Variants in ZDBF2 observed in about 807,000 individuals in gnomAD.
ZDBF2 encodes zinc finger DBF-type containing 2.
A neutral mutation model predicts 9.4 loss-of-function variants in ZDBF2; 6 were observed. That is an observed-to-expected ratio of 0.64 (90% CI 0.35 to 1.27). The LOEUF (loss-of-function observed/expected upper bound fraction) is 1.27, where lower values mean the gene tolerates loss of function less well. ZDBF2 is among the 50% of genes most tolerant of loss of function. ZDBF2 has a pLI of 0.03. For synonymous variants in ZDBF2, 905 were observed against 946.3 expected, an observed-to-expected ratio of 0.96 and a Z score of 0.80; for missense variants, 2,697 against 2,766.8, an observed-to-expected ratio of 0.97 and a Z score of 0.57.
rs758099824 is a variant in ZDBF2 at position 206,304,702 on chromosome 2, C to A, written c.189-15C>A. ...CATTAGAATATGTTTATGAGTTTCC[C>A]CCCTTTCGTTTTAGTTCAACACAAG... On this transcript the variant is annotated splice_polypyrimidine_tract_variant and intron_variant, in intron 4 of 4. Coordinates refer to ENST00000374423, the MANE Select transcript of ZDBF2 (RefSeq NM_020923.3). 1.3e-6 allele frequency: 2 copies of A among 1,583,384 alleles called. No individual in the cohort carries two copies. Among genetic ancestry groups the A allele is most frequent in the Non-Finnish European group, 1.7e-6 (2 of 1,168,320 alleles).
At chr2:206,275,033 C>G (rs948738568) in intron 1 of ZDBF2, 87 bp downstream of exon 1, 5 of 151,000 alleles carry the variant, frequency 3.3e-5, no homozygotes, top group African/African-American at 1.2e-4. Flanking sequence ...GCCTTCTTCC[C>G]GAGGGACGCC....
At chr2:206,288,217 T>C (rs985306405) in intron 3 of ZDBF2, among the ~76,000 whole-genome samples, 1 of 152,230 alleles carries the variant, frequency 6.6e-6, no homozygotes, top group African/African-American at 2.4e-5. Context: ...ATTGAATAAC[T>C]TTTATAACTT....
At chr2:206,282,327 T>C (rs1691363634) in intron 3 of ZDBF2, among the ~76,000 whole-genome samples, 1 of 152,070 alleles carries the variant, frequency 6.6e-6, no homozygotes, top group Non-Finnish European at 1.5e-5. Flanking sequence ...ACCCTGAGGG[T>C]ACAGAGTGGT....
chr2:206,309,956 G>C lies in ZDBF2; in HGVS notation c.5428G>C (p.Asp1810His). The change falls in exon 5 of 5, where the codon GAT becomes CAT. Residue 1810 changes from aspartate to histidine, a missense_variant. Asp to His is a moderately conservative substitution (Grantham distance 81, BLOSUM62 -1). This residue lies in a region of ZDBF2 where 1,783 missense variants were observed against 1,776.5 expected (regional missense o/e 1.00). Transcript: ENST00000374423. Reference protein sequence around the residue: ...NLKKAKDVIEDNPDEPVLEAL... With the variant: ...NLKKAKDVIEHNPDEPVLEAL... ...GAAAAAAGCAAAGGATGTCATAGAG[G>C]ATAATCCTGATGAACCAGTTCTTGA... is the stretch of plus-strand genomic sequence containing the variant. The C allele has an allele frequency of 6.2e-7, 1 of 1,613,570 alleles. No individual in the cohort carries two copies. Among genetic ancestry groups the C allele is most frequent in the Non-Finnish European group, 8.5e-7 (1 of 1,179,776 alleles).
At chr2:206,295,862 A>G (rs1692148151) in intron 3 of ZDBF2, among the ~76,000 whole-genome samples, 1 of 152,190 alleles carries the variant, frequency 6.6e-6, no homozygotes, top group East Asian at 1.9e-4. Flanking sequence ...TAGTAAAGAA[A>G]GAATCTTTCT....
rs768330818 is a variant in ZDBF2, at chr2:206,308,938, A to G, written c.4410A>G (p.Gln1470=). Residue 1470 remains glutamine, a synonymous_variant, in exon 5 of 5, where the codon CAA becomes CAG. Transcript: ENST00000374423. ...TTCAGTCAGAAGTTGACCAACCTCAAGTGTCTTACAAAGAGGCAGACCTTC... is the reference window on the plus strand; with the variant it reads ...TTCAGTCAGAAGTTGACCAACCTCAGGTGTCTTACAAAGAGGCAGACCTTC... ...VHLQSEVDQP[Q]VSYKEADLQK... is the part of the protein sequence containing the mutation. 2.5e-6 allele frequency: 4 copies of G among 1,613,366 alleles called. No homozygotes were observed. The African/African-American group carries it at 4.0e-5, about 16-fold the overall frequency.
intron 3 of ZDBF2, among the ~76,000 whole-genome samples, chr2:206,293,816 C>G (rs376460016): frequency 9.9e-5 from 15 of 152,258 alleles, no homozygotes; most frequent in African/African-American, 3.6e-4. Context: ...TGTACAGCCA[C>G]TTTGGAAGAC....
chr2:206,284,142 C>A (rs1382845496), intron 3 of ZDBF2, among the ~76,000 whole-genome samples: 3 of 150,374 alleles, frequency 2.0e-5, no homozygotes, highest in African/African-American at 4.9e-5. Flanking sequence ...TGTTTGAGTT[C>A]ATTTTTGTAT....
At chr2:206,296,864 C>T (rs923384338) in intron 3 of ZDBF2, among the ~76,000 whole-genome samples, 17 of 152,230 alleles carry the variant, frequency 1.1e-4, no homozygotes, top group Non-Finnish European at 2.2e-4. Context: ...TAATATGTAA[C>T]GTTTCCCATG....
In ZDBF2 at chr2:206,308,270, G is replaced by T; in HGVS notation, c.3742G>T (p.Asp1248Tyr). The change falls in exon 5 of 5, where the codon GAT (aspartate) becomes TAT (tyrosine). Residue 1248 changes from aspartate to tyrosine, a missense_variant. Asp to Tyr is a radical substitution (Grantham distance 160). Around this residue, in one of 3 missense-constraint regions of ZDBF2, gnomAD observed 1,783 missense variants for 1,776.5 expected, o/e 1.00. Coordinates refer to ENST00000374423, the MANE Select transcript of ZDBF2 (RefSeq NM_020923.3). ...GGGTTTTGAAATTATGTATGATTCTGATGTTCTTCAGCCAGTGGCTGGCCA... is the reference window on the plus strand; with the variant it reads ...GGGTTTTGAAATTATGTATGATTCTTATGTTCTTCAGCCAGTGGCTGGCCA... The part of the protein sequence containing the change: ...AKGFEIMYDS[D>Y]VLQPVAGQPE... 6.2e-7 allele frequency: 1 copy of T among 1,613,894 alleles called. No individual in the cohort carries two copies.
chr2:206,302,334 T>C (rs1418267667), intron 4 of ZDBF2, among the ~76,000 whole-genome samples: 1 of 152,112 alleles, frequency 6.6e-6, no homozygotes, highest in African/African-American at 2.4e-5. Context: ...TAATCTTTAA[T>C]GGTTAGATTT....
At chr2:206,294,561 G>T (rs1692069680) in intron 3 of ZDBF2, among the ~76,000 whole-genome samples, 3 of 152,178 alleles carry the variant, frequency 2.0e-5, no homozygotes, top group African/African-American at 7.2e-5. Context: ...GTGTGATGCT[G>T]AGGTTTGGGG....
At chr2:206,275,704 C>T (rs939834489) in intron 1 of ZDBF2, among the ~76,000 whole-genome samples, 6 of 151,696 alleles carry the variant, frequency 4.0e-5, no homozygotes, top group East Asian at 1.9e-4. Context: ...CAATATGCTA[C>T]GTGTGGGGAG....
At position 206,306,763 on chromosome 2, in the gene ZDBF2, C is replaced by T; in HGVS notation, c.2235C>T (p.Cys745=). Residue 745 remains cysteine, a synonymous_variant, in exon 5 of 5, where the codon TGC becomes TGT. Coordinates refer to ENST00000374423, the MANE Select transcript of ZDBF2 (RefSeq NM_020923.3). ...ACATGGAAGTTAGGAGCTATGATTG[C>T]TCCAGCTCTGAGTTGACTTTTGATT... ...NIDMEVRSYD[C]SSSELTFDSD... 1 of 1,613,828 alleles carries T rather than the reference C, an allele frequency of 6.2e-7. No individual in the cohort carries two copies. The highest frequency in any genetic ancestry group is 8.5e-7 in the Non-Finnish European group (1 of 1,179,772).
Position 206,311,132 on chromosome 2 carries a change from C to G in ZDBF2, c.6604C>G (p.Gln2202Glu). 1 of 1,613,774 alleles carries G rather than the reference C, an allele frequency of 6.2e-7. No homozygotes were observed. The highest frequency in any genetic ancestry group is 8.5e-7 in the Non-Finnish European group (1 of 1,179,840). Residue 2202 changes from glutamine (Q) to glutamate (E), a missense_variant, in exon 5 of 5, where the codon CAA (glutamine) becomes GAA (glutamate). By Grantham distance (29) the Gln-to-Glu change is conservative. This residue lies in a region of ZDBF2 where 1,783 missense variants were observed against 1,776.5 expected (regional missense o/e 1.00). Coordinates refer to ENST00000374423, the MANE Select transcript of ZDBF2 (RefSeq NM_020923.3). ...KKVYKPIILQ[Q>E]KPRKASEKQS... ...GGTTTATAAACCAATTATTCTCCAG[C>G]AAAAACCCAGAAAAGCTTCAGAGAA... is the stretch of plus-strand genomic sequence containing the variant.
rs1574416753 is a variant in ZDBF2, at chr2:206,306,138, A to G, written c.1610A>G (p.Glu537Gly). Residue 537 changes from glutamate (E) to glycine (G), a missense_variant, in exon 5 of 5, where the codon GAA (glutamate) becomes GGA (glycine). Glu to Gly is a moderately conservative substitution (Grantham distance 98). Transcript: ENST00000374423. ...VDKNYGSSSS[E>G]VSADSVFPLQ... ...AAGAACTATGGTTCCAGTAGCTCTG[A>G]AGTAAGTGCTGATTCTGTTTTCCCA... The G allele has an allele frequency of 1.2e-6, 2 of 1,613,848 alleles. No homozygotes were observed. Among genetic ancestry groups the G allele is most frequent in the East Asian group, 4.5e-5 (2 of 44,876 alleles).
intron 3 of ZDBF2, among the ~76,000 whole-genome samples, chr2:206,294,287 A>C (rs1361967512): frequency 6.6e-6 from 1 of 152,172 alleles, no homozygotes; most frequent in East Asian, 1.9e-4. Context: ...TTTTATGGAT[A>C]GATGGTAAGG....
At position 206,305,812 on chromosome 2, in the gene ZDBF2, A is replaced by T; in HGVS notation, c.1284A>T (p.Val428=). The change falls in exon 5 of 5, where the codon GTA becomes GTT. Residue 428 remains valine (V), a synonymous_variant. Transcript: ENST00000374423. ...AATCTAAAGTGAGTGCCAAAGAAGT[A>T]AACCTTTCCAAGGAAGTACGTACTG... The part of the protein sequence containing the change: ...TDQSKVSAKE[V]NLSKEVRTDV... The T allele has an allele frequency of 6.2e-7, 1 of 1,613,626 alleles. No homozygotes were observed. The highest frequency in any genetic ancestry group is 8.5e-7 in the Non-Finnish European group (1 of 1,179,776).
In ZDBF2 at chr2:206,310,624, C is replaced by A. The variant is rs757281324; in HGVS notation, c.6096C>A (p.His2032Gln). The A allele has an allele frequency of 6.2e-7, 1 of 1,609,228 alleles. No homozygotes were observed. Among genetic ancestry groups the A allele is most frequent in the Non-Finnish European group, 8.5e-7 (1 of 1,177,376 alleles). The change falls in exon 5 of 5, where the codon CAC becomes CAA. Residue 2032 changes from histidine to glutamine, a missense_variant. His to Gln is a conservative substitution (Grantham distance 24, BLOSUM62 0). Coordinates refer to ENST00000374423, the MANE Select transcript of ZDBF2 (RefSeq NM_020923.3). ...GCCTTCCTTTCCCTAAAATGAGGCA[C>A]CATAGTTGGGATAATGATATTCGGT... ...GEGLPFPKMR[H>Q]HSWDNDIRFI...
Sources: gnomAD v4.1 joint callset for allele counts (sites outside exome capture counted in the v4.1 genomes callset) on GRCh38, gnomAD v4.1.1 for gene constraint, gnomAD v4.1.1 regional missense constraint, MANE v1.5 for transcripts, NCBI Gene and HGNC (gene_info 2026-07-23, HGNC 2026-07-21) for gene names.